The following WWTR1 variants were observed in gnomAD, a reference collection of about 807,000 sequenced individuals.
WWTR1 encodes WW domain containing transcription regulator 1, also known as WW domain-containing transcription regulator protein 1.
In WWTR1, 13 loss-of-function variants were observed where a neutral mutation model predicts 40.1. That is an observed-to-expected ratio of 0.32 (90% CI 0.21 to 0.52). The LOEUF is 0.52. Among genes scored for constraint, WWTR1 ranks in the 20% least tolerant of loss-of-function variants. WWTR1 has a pLI of 0.97. For synonymous variants in WWTR1, 230 were observed against 210.1 expected (o/e 1.09, Z -0.82); for missense variants, 436 against 523.1 (o/e 0.83, Z 1.63).
chr3:149,608,765 C>T (rs774073504), intron 2 of WWTR1, among the ~76,000 whole-genome samples: 1 of 151,972 alleles, frequency 6.6e-6, no homozygotes, highest in Non-Finnish European at 1.5e-5. Flanking sequence ...GGGTCTAAAA[C>T]GTTAAGATCA....
chr3:149,586,232 T>C (rs1320714687), intron 2 of WWTR1, among the ~76,000 whole-genome samples: 1 of 152,110 alleles, frequency 6.6e-6, no homozygotes, highest in African/African-American at 2.4e-5. Flanking sequence ...CAAGAATATA[T>C]ACGGCACGGC....
chr3:149,694,180 T>C (rs375683444), intron 1 of WWTR1, among the ~76,000 whole-genome samples: 2 of 152,124 alleles, frequency 1.3e-5, no homozygotes, highest in Admixed American at 6.5e-5. Context: ...GATCACGAGG[T>C]CAGGGGTTCG....
intron 2 of WWTR1, among the ~76,000 whole-genome samples, chr3:149,654,141 G>A (rs908089941): frequency 1.4e-5 from 2 of 144,404 alleles, no homozygotes; most frequent in African/African-American, 5.0e-5. Flanking sequence ...AAAAAAAAAT[G>A]TATCTGCTAG....
chr3:149,576,093 G>A (rs1737865617), intron 2 of WWTR1: 1 of 456,672 alleles, frequency 2.2e-6, no homozygotes, highest in Non-Finnish European at 4.4e-6. Flanking sequence ...AGTTCTCATT[G>A]CTCCAAAACA....
In WWTR1 at chr3:149,634,072, G is replaced by A. The variant is rs187919518; in HGVS notation, c.431+22804C>T. Among the ~76,000 whole-genome samples, 619 of 152,222 alleles carry A rather than the reference G, an allele frequency of 4.1e-3. 5 individuals carry two copies. Among genetic ancestry groups the A allele is most frequent in the African/African-American group, 0.014 (589 of 41,524 alleles). ...ATCACACAGTAGGGTGGAGGCAACA[G>A]GAATGGAGAAAGAGGAAGGAAAGAT... On this transcript the variant is annotated intron_variant, in intron 2 of 6. Transcript: ENST00000360632.
At chr3:149,706,981 C>A (rs976432987), upstream of WWTR1, among the ~76,000 whole-genome samples, 4 of 152,128 alleles carry the variant, frequency 2.6e-5, no homozygotes, top group African/African-American at 4.8e-5. Flanking sequence ...ACAAGCCACC[C>A]CCCAACCCCA....
At chr3:149,565,819 G>A (rs1404292674) in intron 3 of WWTR1, among the ~76,000 whole-genome samples, 2 of 151,706 alleles carry the variant, frequency 1.3e-5, no homozygotes, top group Non-Finnish European at 2.9e-5. Context: ...GCTGAGGCAG[G>A]AGAATTGCTT....
chr3:149,626,034 T>TCA (rs1740529631), intron 2 of WWTR1, among the ~76,000 whole-genome samples: 1 of 152,122 alleles, frequency 6.6e-6, no homozygotes. Flanking sequence ...TAGCAATGAG[T>TCA]GTGCTACAAC....
chr3:149,555,705 T>C (rs2107964093), intron 3 of WWTR1, among the ~76,000 whole-genome samples: 1 of 150,020 alleles, frequency 6.7e-6, no homozygotes, highest in Non-Finnish European at 1.5e-5. Flanking sequence ...CTTATAGAAC[T>C]ATAGATGATT....
chr3:149,679,499 A>T (rs1278870586), intron 1 of WWTR1, among the ~76,000 whole-genome samples: 1 of 152,186 alleles, frequency 6.6e-6, no homozygotes, highest in East Asian at 1.9e-4. Flanking sequence ...AATAGTAAAC[A>T]CAAGAGGAAT....
intron 4 of WWTR1, among the ~76,000 whole-genome samples, chr3:149,532,425 A>C (rs1735628579): frequency 6.6e-6 from 1 of 150,998 alleles, no homozygotes; most frequent in African/African-American, 2.4e-5. Flanking sequence ...CAAGGCTAAG[A>C]AAACAATTTT....
At chr3:149,674,853 T>C (rs1714211265) in intron 1 of WWTR1, among the ~76,000 whole-genome samples, 1 of 152,190 alleles carries the variant, frequency 6.6e-6, no homozygotes, top group Non-Finnish European at 1.5e-5. Flanking sequence ...CTAACTCTTA[T>C]ATTCTATGGT....
intron 4 of WWTR1, among the ~76,000 whole-genome samples, chr3:149,538,679 G>C (rs952024410): frequency 1.3e-5 from 2 of 152,120 alleles, no homozygotes; most frequent in South Asian, 4.1e-4. Flanking sequence ...TAACCTGAGG[G>C]GTCACTGGAA....
At chr3:149,568,559 AAC>A (rs1474972498) in intron 3 of WWTR1, among the ~76,000 whole-genome samples, 10 of 137,978 alleles carry the variant, frequency 7.2e-5, no homozygotes, top group African/African-American at 2.0e-4. Context: ...AAAAAAAAAA[AAC>A]CATATTTTTG....
At chr3:149,705,117 CAAAGA>C (rs1450222199), upstream of WWTR1, among the ~76,000 whole-genome samples, 2 of 151,672 alleles carry the variant, frequency 1.3e-5, no homozygotes, top group African/African-American at 4.8e-5. Context: ...AGCTAAAAGA[CAAAGA>C]AAAGGACAAT....
rs142657142 is a variant in WWTR1 at position 149,624,043 on chromosome 3, G to A, written c.431+32833C>T. Among the ~76,000 whole-genome samples, 83 of 152,176 alleles carry A rather than the reference G, an allele frequency of 5.5e-4. 1 individual carries two copies. In the East Asian group the frequency reaches 0.012, roughly 22 times the overall value. ...TGCCCAGAATCACTTCCCTTCGTCC[G>A]GCCACATCCCTCCCCACCACTACCA... On this transcript the variant is annotated intron_variant, in intron 2 of 6. Coordinates refer to ENST00000360632, the MANE Select transcript of WWTR1 (RefSeq NM_015472.6).
intron 2 of WWTR1, among the ~76,000 whole-genome samples, chr3:149,623,672 T>C (rs1429448819): frequency 6.6e-6 from 1 of 152,234 alleles, no homozygotes. Flanking sequence ...TATGGGTAAA[T>C]GTAAATCTGT....
rs767541662 is a variant in WWTR1 at position 149,517,704 on chromosome 3, G to C, written c.*3101C>G. The C allele has an allele frequency of 2.0e-5, 3 of 152,148 alleles. No individual in the cohort carries two copies. The highest frequency in any genetic ancestry group is 4.4e-5 in the Non-Finnish European group (3 of 68,012). The allele number at this position is 152,148 out of a possible 1,614,324, so 9.4% of individuals were successfully genotyped here. A position where few individuals can be genotyped will look rare whatever the true frequency, so the allele number is the denominator to read the frequency against. On this transcript the variant is annotated 3_prime_UTR_variant, in exon 7 of 7. Coordinates refer to ENST00000360632, the MANE Select transcript of WWTR1 (RefSeq NM_015472.6). ...GTTTCCTGTATATGGTGTAATCAGT[G>C]AAAGAAATGGCATTTCACATCCTAA...
chr3:149,614,881 G>C (rs887631450), intron 2 of WWTR1, among the ~76,000 whole-genome samples: 2 of 152,054 alleles, frequency 1.3e-5, no homozygotes, highest in African/African-American at 2.4e-5. Flanking sequence ...TACTCGGGAG[G>C]CTGAGGCAGG....
Sources: allele counts gnomAD v4.1 joint callset (sites outside exome capture counted in the v4.1 genomes callset), GRCh38; gene constraint gnomAD v4.1.1; transcripts MANE v1.5; gene names NCBI Gene and HGNC (gene_info 2026-07-23, HGNC 2026-07-21).